The following KCNJ3 variants were observed in gnomAD, a reference collection of about 807,000 sequenced individuals.
KCNJ3 encodes the protein G protein-activated inward rectifier potassium channel 1.
KCNJ3 carries 4 observed loss-of-function variants against 39.2 expected under a neutral mutation model. That is an observed-to-expected ratio of 0.10 (90% CI 0.05 to 0.23). The LOEUF is 0.23. Ranked by LOEUF, KCNJ3 falls within the 10% of genes least tolerant of loss-of-function variation. The probability of loss-of-function intolerance (pLI) is 1.00; values close to 1 mark genes in which losing one functional copy is unlikely to be tolerated. For synonymous variants in KCNJ3, 230 were observed against 237.4 expected (o/e 0.97, Z 0.29); for missense variants, 276 against 634.9 (o/e 0.43, Z 6.08).
chr2:154,717,483 T>C (rs544273474), intron 2 of KCNJ3, among the ~76,000 whole-genome samples: 18 of 152,254 alleles, frequency 1.2e-4, no homozygotes, highest in African/African-American at 3.6e-4. Context: ...GGGTCCTTCA[T>C]GAAGTTGTCT....
chr2:154,858,234 G>A lies in KCNJ3; in HGVS notation c.*2921G>A, dbSNP rs181185021. 6.6e-6 allele frequency: 1 copy of A among 152,088 alleles called. No individual in the cohort carries two copies. The highest frequency in any genetic ancestry group is 2.4e-5 in the African/African-American group (1 of 41,416). 9.4% of individuals were successfully genotyped at this position (152,088 alleles called of 1,614,324 possible). On this transcript the variant is annotated 3_prime_UTR_variant, in exon 3 of 3. Transcript: ENST00000295101. ...ACCTGTTGTACCTGTGTAATTATTG[G>A]TAGCACTCCCTTTCACTCTTACAAT...
intron 2 of KCNJ3, among the ~76,000 whole-genome samples, chr2:154,776,864 GA>G (rs200567232): frequency 0.015 from 2,230 of 150,780 alleles, 56 homozygotes; most frequent in African/African-American, 0.052. Flanking sequence ...GCAATAAATA[GA>G]AAAAAAAATC....
intron 2 of KCNJ3, among the ~76,000 whole-genome samples, chr2:154,802,077 T>C (rs1165530052): frequency 2.0e-5 from 3 of 152,188 alleles, no homozygotes; most frequent in Non-Finnish European, 4.4e-5. Flanking sequence ...GGCTCTTTGG[T>C]TCTAACTGTA....
At chr2:154,846,922 T>A (rs1452150821) in intron 2 of KCNJ3, among the ~76,000 whole-genome samples, 2 of 152,188 alleles carry the variant, frequency 1.3e-5, no homozygotes, top group African/African-American at 4.8e-5. Context: ...TTTTTTAAAA[T>A]TCTTTGACCT....
At chr2:154,837,859 A>AAAC (rs1687497977) in intron 2 of KCNJ3, among the ~76,000 whole-genome samples, 2 of 152,248 alleles carry the variant, frequency 1.3e-5, no homozygotes, top group African/African-American at 4.8e-5. Context: ...ACTATATGGG[A>AAAC]AACTGCTACT....
intron 2 of KCNJ3, among the ~76,000 whole-genome samples, chr2:154,822,539 T>C (rs1687202272): frequency 6.6e-6 from 1 of 152,194 alleles, no homozygotes; most frequent in South Asian, 2.1e-4. Flanking sequence ...ATTGACATGA[T>C]GAACTCAGTT....
intron 2 of KCNJ3, among the ~76,000 whole-genome samples, chr2:154,845,317 C>A (rs1687646690): frequency 6.6e-6 from 1 of 151,922 alleles, no homozygotes. Context: ...TGGGGTTTTA[C>A]CATGTTGTTC....
chr2:154,738,161 C>T (rs543074016), intron 2 of KCNJ3, among the ~76,000 whole-genome samples: 4 of 152,070 alleles, frequency 2.6e-5, no homozygotes, highest in South Asian at 2.1e-4. Flanking sequence ...TTAAGTGAAA[C>T]GAGCCAGGCA....
At chr2:154,771,890 C>T (rs1182020276) in intron 2 of KCNJ3, among the ~76,000 whole-genome samples, 1 of 152,250 alleles carries the variant, frequency 6.6e-6, no homozygotes, top group East Asian at 1.9e-4. Flanking sequence ...AACGGATACC[C>T]TGGAGTACAA....
intron 2 of KCNJ3, among the ~76,000 whole-genome samples, chr2:154,753,280 T>A (rs1685880912): frequency 6.6e-6 from 1 of 152,132 alleles, no homozygotes; most frequent in South Asian, 2.1e-4. Context: ...CATAGTAATG[T>A]TTATTAATAG....
intron 2 of KCNJ3, among the ~76,000 whole-genome samples, chr2:154,779,465 G>T (rs1251179580): frequency 4.4e-5 from 6 of 135,666 alleles, no homozygotes; most frequent in African/African-American, 1.8e-4. Context: ...ATATATATAT[G>T]TTGTATATAT....
intron 2 of KCNJ3, among the ~76,000 whole-genome samples, chr2:154,765,231 A>G (rs1324964253): frequency 6.6e-6 from 1 of 152,174 alleles, no homozygotes; most frequent in Non-Finnish European, 1.5e-5. Context: ...CCACTGCTTT[A>G]GAGTTTACTG....
chr2:154,699,679 T>G lies in KCNJ3; in HGVS notation c.702+202T>G. The G allele has an allele frequency of 7.0e-6, 2 of 287,654 alleles. No individual in the cohort carries two copies. The highest frequency in any genetic ancestry group is 1.0e-5 in the Non-Finnish European group (2 of 191,848). The allele number at this position is 287,654 out of a possible 1,614,324, so 17.8% of individuals were successfully genotyped here. On this transcript the variant is annotated intron_variant, in intron 1 of 2. Transcript: ENST00000295101. The surrounding 1 kb of genome is among the most constrained non-coding windows in gnomAD (Gnocchi z 6.4). ...GTTCCTTTTCCACTCACTCTCGTGCTCTTGTTTATATTCGTCATTTCGGAT... is the reference window on the plus strand; with the variant it reads ...GTTCCTTTTCCACTCACTCTCGTGCGCTTGTTTATATTCGTCATTTCGGAT...
At chr2:154,762,609 G>T (rs1686064358) in intron 2 of KCNJ3, among the ~76,000 whole-genome samples, 1 of 151,914 alleles carries the variant, frequency 6.6e-6, no homozygotes, top group Admixed American at 6.6e-5. Context: ...TTTAAAATAG[G>T]GTTTATAATA....
At chr2:154,705,104 A>G (rs934206735) in intron 1 of KCNJ3, among the ~76,000 whole-genome samples, 10 of 152,212 alleles carry the variant, frequency 6.6e-5, no homozygotes, top group Admixed American at 2.6e-4. Flanking sequence ...GTAGGACAGT[A>G]GTGATTTAAT....
At position 154,843,139 on chromosome 2, in the gene KCNJ3, C is replaced by CA. The variant is rs536828688; in HGVS notation, c.920-11584dup. ...TCTTGTAGGGCAGGCCTGGTGGTGA[C>CA]AAAATCTCTCAGCATTTGCTTGTCT... is the stretch of plus-strand genomic sequence containing the variant. On this transcript the variant is annotated intron_variant, in intron 2 of 2. Transcript: ENST00000295101. 2.4e-4 allele frequency among the ~76,000 whole-genome samples: 37 copies of CA among 152,248 alleles called. No homozygotes were observed. In the South Asian group the frequency reaches 5.6e-3, roughly 23 times the overall value.
Position 154,836,743 on chromosome 2 carries a change from A to AAATT in KCNJ3, c.920-17982_920-17979dup, listed in dbSNP as rs1422594647. ...AGGTTCTATAAATAGCATAAAAGAA[A>AAATT]AATTAGAAGCAAAATTCTCTGACCT... is the stretch of plus-strand genomic sequence containing the variant. On this transcript the variant is annotated intron_variant, in intron 2 of 2. Transcript: ENST00000295101. 7.2e-5 allele frequency among the ~76,000 whole-genome samples: 11 copies of AAATT among 152,202 alleles called. No individual in the cohort carries two copies. The East Asian group carries it at 1.5e-3, about 21-fold the overall frequency.
In KCNJ3 at chr2:154,808,270, G is replaced by A. The variant is rs140920540; in HGVS notation, c.920-46457G>A. Among the ~76,000 whole-genome samples the A allele has an allele frequency of 2.7e-3, 411 of 151,870 alleles. 3 individuals are homozygous for A. The highest frequency in any genetic ancestry group is 8.9e-3 in the African/African-American group (370 of 41,400). ...CTAATTTTTGTATTTTAGTAGAGAT[G>A]GCGTTTCACCATGTTGGCTAGGGTG... is the stretch of plus-strand genomic sequence containing the variant. On this transcript the variant is annotated intron_variant, in intron 2 of 2. Transcript: ENST00000295101.
At position 154,800,761 on chromosome 2, in the gene KCNJ3, A is replaced by T. The variant is rs367892092; in HGVS notation, c.920-53966A>T. 6.6e-5 allele frequency among the ~76,000 whole-genome samples: 10 copies of T among 152,296 alleles called. No individual in the cohort carries two copies. In the South Asian group the frequency reaches 1.2e-3, roughly 19 times the overall value. ...AATTATTTTCAGAAATGCATTTTAAATCCCATTTAAACAATATTTGTCACT... is the reference window on the plus strand; with the variant it reads ...AATTATTTTCAGAAATGCATTTTAATTCCCATTTAAACAATATTTGTCACT... On this transcript the variant is annotated intron_variant, in intron 2 of 2. Coordinates refer to ENST00000295101, the MANE Select transcript of KCNJ3 (RefSeq NM_002239.4).
Sources: gnomAD v4.1 joint callset for allele counts (sites outside exome capture counted in the v4.1 genomes callset) on GRCh38, gnomAD v4.1.1 for gene constraint, Gnocchi (gnomAD v3.1) non-coding constraint, MANE v1.5 for transcripts, NCBI Gene and HGNC (gene_info 2026-07-23, HGNC 2026-07-21) for gene names.